The following ACTR3C variants were observed in gnomAD, a reference collection of about 807,000 sequenced individuals.
The protein encoded by ACTR3C is actin related protein 3C.
ACTR3C carries 18 observed loss-of-function variants against 26.3 expected under a neutral mutation model. That is an observed-to-expected ratio of 0.68 (90% CI 0.47 to 1.01). The LOEUF is 1.01. ACTR3C is among the 50% of genes least tolerant of loss of function. The pLI, the probability that ACTR3C is intolerant of heterozygous loss-of-function variation, is 0.00. For synonymous variants in ACTR3C, 55 were observed against 94.5 expected (o/e 0.58, Z 2.42); for missense variants, 184 against 250.7 (o/e 0.73, Z 1.80).
the ACTR3C span, among the ~76,000 whole-genome samples, chr7:149,982,409 AG>A: frequency 6.6e-6 from 1 of 152,062 alleles, no homozygotes; most frequent in Non-Finnish European, 1.5e-5. Flanking sequence ...AATTAAATAA[AG>A]GTTAGTTTTT....
chr7:150,075,211 CAT>C, the ACTR3C span, among the ~76,000 whole-genome samples: 2 of 111,012 alleles, frequency 1.8e-5, no homozygotes, highest in African/African-American at 3.6e-5. Flanking sequence ...TAAACAAAAA[CAT>C]AGCACTACAG....
chr7:150,180,248 T>C, the ACTR3C span, among the ~76,000 whole-genome samples: 1 of 149,644 alleles, frequency 6.7e-6, no homozygotes, highest in Non-Finnish European at 1.5e-5. Flanking sequence ...GAGCTTGCAG[T>C]GAGCCGAGAT....
the ACTR3C span, among the ~76,000 whole-genome samples, chr7:149,883,281 A>C: frequency 6.6e-6 from 1 of 152,110 alleles, no homozygotes; most frequent in Admixed American, 6.5e-5. Flanking sequence ...GTTTGGACAC[A>C]GTCACTATGT....
At chr7:149,992,264 T>C in the ACTR3C span, among the ~76,000 whole-genome samples, 1 of 152,282 alleles carries the variant, frequency 6.6e-6, no homozygotes, top group African/African-American at 2.4e-5. Context: ...GGTAGCAGAC[T>C]GTTTTGATAT....
chr7:149,924,995 G>A, the ACTR3C span, among the ~76,000 whole-genome samples: 2 of 152,100 alleles, frequency 1.3e-5, no homozygotes, highest in Non-Finnish European at 2.9e-5. Context: ...AATAATGTGA[G>A]CATTCTGTAA....
At chr7:149,943,484 T>C in the ACTR3C span, among the ~76,000 whole-genome samples, 1 of 150,946 alleles carries the variant, frequency 6.6e-6, no homozygotes, top group African/African-American at 2.5e-5. Context: ...CCCAGCATAT[T>C]GGGAGGCCGA....
the ACTR3C span, among the ~76,000 whole-genome samples, chr7:150,039,083 A>G: frequency 7.0e-6 from 1 of 142,858 alleles, no homozygotes; most frequent in Non-Finnish European, 1.5e-5. Context: ...TACTTGGACT[A>G]CTAACACCCA....
chr7:150,206,900 C>T, the ACTR3C span, among the ~76,000 whole-genome samples: 2 of 152,264 alleles, frequency 1.3e-5, no homozygotes, highest in South Asian at 4.1e-4. Flanking sequence ...TTTATTTTTT[C>T]ATATCATGTT....
the ACTR3C span, among the ~76,000 whole-genome samples, chr7:149,974,875 A>G: frequency 6.6e-6 from 1 of 152,072 alleles, no homozygotes; most frequent in South Asian, 2.1e-4. Context: ...CAGTCCGTTG[A>G]AAGGTCCCTA....
the ACTR3C span, among the ~76,000 whole-genome samples, chr7:150,042,742 TA>T: frequency 4.0e-5 from 6 of 151,518 alleles, no homozygotes; most frequent in South Asian, 1.2e-3. Flanking sequence ...GGCCCTCTAA[TA>T]GGGGGGCCAT....
the ACTR3C span, among the ~76,000 whole-genome samples, chr7:150,094,257 A>T: frequency 1.3e-5 from 2 of 150,294 alleles, no homozygotes; most frequent in Non-Finnish European, 2.9e-5. Flanking sequence ...AGAACCATGG[A>T]TAACAGAACC....
the ACTR3C span, among the ~76,000 whole-genome samples, chr7:150,121,164 A>G: frequency 6.6e-6 from 1 of 152,236 alleles, no homozygotes; most frequent in African/African-American, 2.4e-5. Context: ...ATTCCCTTTG[A>G]AAACTGGCAC....
chr7:150,122,102 G>C, the ACTR3C span, among the ~76,000 whole-genome samples: 1 of 152,140 alleles, frequency 6.6e-6, no homozygotes, highest in Admixed American at 6.5e-5. Flanking sequence ...AGATTTAAAT[G>C]TAAGACCTAA....
chr7:150,004,667 C>G, the ACTR3C span: 1 of 152,166 alleles, frequency 6.6e-6, no homozygotes, highest in Non-Finnish European at 1.5e-5. Context: ...ATGACTATCC[C>G]CAGCAGGACA....
At chr7:150,087,182 T>TAAAAAAA in the ACTR3C span, among the ~76,000 whole-genome samples, 1 of 129,400 alleles carries the variant, frequency 7.7e-6, no homozygotes, top group East Asian at 2.1e-4. Flanking sequence ...TGAATTTGTT[T>TAAAAAAA]AAAAAAAAAA....
intron 6 of ACTR3C, among the ~76,000 whole-genome samples, chr7:150,277,630 C>T (rs1191342965): frequency 2.0e-5 from 3 of 152,076 alleles, no homozygotes; most frequent in Non-Finnish European, 2.9e-5. Context: ...GTGCCCCGCT[C>T]CTGTATCTCC....
the ACTR3C span, among the ~76,000 whole-genome samples, chr7:150,209,154 A>G: frequency 6.6e-6 from 1 of 150,778 alleles, no homozygotes. Flanking sequence ...AACTTCAAGC[A>G]GCCTAATATA....
At chr7:150,064,217 T>C in the ACTR3C span, among the ~76,000 whole-genome samples, 7 of 148,474 alleles carry the variant, frequency 4.7e-5, no homozygotes, top group African/African-American at 1.7e-4. Flanking sequence ...CCAAAATAGC[T>C]GTAAGCAAGA....
chr7:150,107,527 C>T, the ACTR3C span, among the ~76,000 whole-genome samples: 4 of 151,982 alleles, frequency 2.6e-5, no homozygotes, highest in African/African-American at 9.7e-5. Context: ...AAAAACAAAG[C>T]TTACATTTTA....
Sources: gnomAD v4.1 joint callset for allele counts (sites outside exome capture counted in the v4.1 genomes callset) on GRCh38, gnomAD v4.1.1 for gene constraint, MANE v1.5 for transcripts, NCBI Gene and HGNC (gene_info 2026-07-23, HGNC 2026-07-21) for gene names.